The following ATG10 variants were observed in gnomAD, a reference collection of about 807,000 sequenced individuals.
ATG10 encodes the protein ubiquitin-like-conjugating enzyme ATG10.
A neutral mutation model predicts 32.1 loss-of-function variants in ATG10; 30 were observed. The ratio of observed to expected loss-of-function variants is 0.94; its 90% CI spans 0.70 to 1.27. The LOEUF is 1.27. ATG10 is among the 50% of genes most tolerant of loss of function. The pLI, the probability that ATG10 is intolerant of heterozygous loss-of-function variation, is 0.00. For missense variants in ATG10, 233 were observed against 262.3 expected, an observed-to-expected ratio of 0.89 and a Z score of 0.77; for synonymous variants, 87 against 91.5, an observed-to-expected ratio of 0.95 and a Z score of 0.28.
chr5:82,130,911 T>C (rs1286187629), intron 3 of ATG10, among the ~76,000 whole-genome samples: 1 of 152,174 alleles, frequency 6.6e-6, no homozygotes, highest in East Asian at 1.9e-4. Context: ...TCAATCATCA[T>C]GTCCTTTGCA....
Position 82,058,219 on chromosome 5 carries a change from C to T in ATG10, c.109-276C>T, listed in dbSNP as rs191646249. Reference sequence around the variant, plus strand: ...ATAAGCTTAAGTTTTGTTCTGTGATCTTGGTGCTATGGACTAGTCAGGAAA... The same window carrying T: ...ATAAGCTTAAGTTTTGTTCTGTGATTTTGGTGCTATGGACTAGTCAGGAAA... On this transcript the variant is annotated intron_variant, in intron 2 of 7. Coordinates refer to ENST00000282185, the MANE Select transcript of ATG10 (RefSeq NM_031482.5). Among the ~76,000 whole-genome samples, 307 of 152,112 alleles carry T rather than the reference C, an allele frequency of 2.0e-3. 1 individual carries two copies. Among genetic ancestry groups the T allele is most frequent in the African/African-American group, 6.9e-3 (287 of 41,490 alleles).
intron 1 of ATG10, among the ~76,000 whole-genome samples, chr5:81,975,739 T>G (rs1325068964): frequency 7.9e-5 from 12 of 152,112 alleles, no homozygotes; most frequent in Admixed American, 5.9e-4. Flanking sequence ...GTGTAATATT[T>G]TTTTCTTCCC....
At chr5:82,110,340 G>A (rs1339944398) in intron 3 of ATG10, among the ~76,000 whole-genome samples, 4 of 152,186 alleles carry the variant, frequency 2.6e-5, no homozygotes, top group African/African-American at 9.6e-5. Context: ...GGGTCAAATG[G>A]TATTTCTAGT....
intron 2 of ATG10, among the ~76,000 whole-genome samples, chr5:82,044,301 C>T (rs1055523941): frequency 6.6e-6 from 1 of 152,084 alleles, no homozygotes; most frequent in African/African-American, 2.4e-5. Flanking sequence ...ATTATGAGAA[C>T]AGCAAGGGGA....
chr5:82,131,791 G>A (rs1222923557), intron 3 of ATG10, among the ~76,000 whole-genome samples: 1 of 152,078 alleles, frequency 6.6e-6, no homozygotes, highest in Non-Finnish European at 1.5e-5. Flanking sequence ...AAATGCATGA[G>A]GCTGGGTAAT....
At chr5:82,245,316 A>G (rs992942130) in intron 5 of ATG10, among the ~76,000 whole-genome samples, 2 of 152,206 alleles carry the variant, frequency 1.3e-5, no homozygotes, top group Non-Finnish European at 2.9e-5. Flanking sequence ...AGCCTTACAA[A>G]ATCTCCATTG....
At chr5:82,233,231 A>G (rs1394766493) in intron 5 of ATG10, among the ~76,000 whole-genome samples, 1 of 152,114 alleles carries the variant, frequency 6.6e-6, no homozygotes, top group Non-Finnish European at 1.5e-5. Context: ...TTCCTATCAC[A>G]TTAGACACCT....
intron 3 of ATG10, among the ~76,000 whole-genome samples, chr5:82,153,735 CTG>C (rs1044293572): frequency 6.6e-6 from 1 of 151,968 alleles, no homozygotes; most frequent in African/African-American, 2.4e-5. Context: ...CTTGGGGACT[CTG>C]TGCATTTTCT....
intron 3 of ATG10, among the ~76,000 whole-genome samples, chr5:82,138,195 T>C (rs1322576644): frequency 6.6e-6 from 1 of 152,192 alleles, no homozygotes; most frequent in African/African-American, 2.4e-5. Context: ...GCTAAACCAC[T>C]TGGCTCCCTG....
chr5:82,158,017 C>T (rs1767877651), intron 3 of ATG10, among the ~76,000 whole-genome samples: 1 of 152,134 alleles, frequency 6.6e-6, no homozygotes, highest in South Asian at 2.1e-4. Flanking sequence ...AGATATGGAT[C>T]TCATTTCCAA....
intron 3 of ATG10, among the ~76,000 whole-genome samples, chr5:82,065,260 G>C (rs190999383): frequency 6.6e-6 from 1 of 152,096 alleles, no homozygotes; most frequent in Non-Finnish European, 1.5e-5. Context: ...CCGAGTCGGG[G>C]CGGATCACTT....
chr5:82,175,556 C>T (rs142935392), intron 4 of ATG10, among the ~76,000 whole-genome samples: 225 of 152,226 alleles, frequency 1.5e-3, no homozygotes, highest in African/African-American at 5.3e-3. Flanking sequence ...ATTGTATGTA[C>T]GTGAATTATA....
chr5:81,980,980 C>A (rs1017966599), intron 1 of ATG10, among the ~76,000 whole-genome samples: 1 of 152,174 alleles, frequency 6.6e-6, no homozygotes, highest in East Asian at 1.9e-4. Flanking sequence ...TCATTTCCAG[C>A]CAGGTACAGT....
intron 2 of ATG10, among the ~76,000 whole-genome samples, chr5:82,007,101 C>T (rs948816059): frequency 6.6e-6 from 1 of 152,152 alleles, no homozygotes; most frequent in Non-Finnish European, 1.5e-5. Context: ...ATCTGCCCAC[C>T]TCAGCCTCCC....
At chr5:82,038,316 T>C (rs563077213) in intron 2 of ATG10, among the ~76,000 whole-genome samples, 102 of 152,320 alleles carry the variant, frequency 6.7e-4, no homozygotes, top group African/African-American at 2.3e-3. Flanking sequence ...GGAGAGAGCA[T>C]TTATCCATTG....
chr5:81,976,642 G>C (rs939498117), intron 1 of ATG10, among the ~76,000 whole-genome samples: 2 of 152,156 alleles, frequency 1.3e-5, no homozygotes, highest in Admixed American at 1.3e-4. Context: ...CCTTGCTTCT[G>C]CCGTTCACTC....
intron 3 of ATG10, among the ~76,000 whole-genome samples, chr5:82,126,061 T>C (rs1007973757): frequency 7.5e-6 from 1 of 132,604 alleles, no homozygotes; most frequent in Non-Finnish European, 1.6e-5. Context: ...AGTTTGCCTA[T>C]GATTTGGCTC....
intron 5 of ATG10, among the ~76,000 whole-genome samples, chr5:82,214,570 C>T (rs1030734927): frequency 2.6e-5 from 4 of 152,052 alleles, no homozygotes; most frequent in African/African-American, 9.7e-5. Context: ...CTCATTCTTA[C>T]GTTTATGTGT....
At chr5:82,074,152 T>G (rs1429724266) in intron 3 of ATG10, among the ~76,000 whole-genome samples, 1 of 152,194 alleles carries the variant, frequency 6.6e-6, no homozygotes, top group Non-Finnish European at 1.5e-5. Flanking sequence ...ATAAAATTAT[T>G]CCACAAAGAA....
Sources: allele counts gnomAD v4.1 joint callset (sites outside exome capture counted in the v4.1 genomes callset), GRCh38; gene constraint gnomAD v4.1.1; transcripts MANE v1.5; gene names NCBI Gene and HGNC (gene_info 2026-07-23, HGNC 2026-07-21).